The following TLR9 variants were observed in gnomAD, a reference collection of about 807,000 sequenced individuals.
TLR9 encodes the protein toll-like receptor 9.
In TLR9, 19 loss-of-function variants were observed where a neutral mutation model predicts 24.6. The observed-to-expected ratio is 0.77, with a 90% CI of 0.54 to 1.13. The LOEUF (loss-of-function observed/expected upper bound fraction) is 1.13, where lower values mean the gene tolerates loss of function less well. Ranked by LOEUF, TLR9 falls within the 50% of genes most tolerant of loss-of-function variation. The pLI is 0.00. For synonymous variants in TLR9, 579 were observed against 609.8 expected (o/e 0.95, Z 0.74); for missense variants, 1,065 against 1,379.6 (o/e 0.77, Z 3.61).
In TLR9 at chr3:52,223,528, T is replaced by C. The variant is rs200870101; in HGVS notation, c.788A>G (p.Asn263Ser). The C allele has an allele frequency of 5.8e-6, 9 of 1,540,518 alleles. No homozygotes were observed. Among genetic ancestry groups the C allele is most frequent in the African/African-American group, 1.4e-5 (1 of 72,756 alleles). Residue 263 changes from asparagine to serine, a missense_variant, in exon 2 of 2, where the codon AAC becomes AGC. Asn to Ser is a conservative substitution (Grantham distance 46). Transcript: ENST00000360658. ...GTGACGAGGGCACTCCATGCAGGGG[T>C]TGGGAGCGTGGTCGCAGCGGCGGCA... ...GNCRRCDHAPNPCMECPRHFP... is the reference protein window; with the variant it reads ...GNCRRCDHAPSPCMECPRHFP...
intron 1 of TLR9, among the ~76,000 whole-genome samples, chr3:52,225,054 G>T (rs1699607570): frequency 6.6e-6 from 1 of 152,206 alleles, no homozygotes; most frequent in Non-Finnish European, 1.5e-5. Flanking sequence ...CTCAGAAGAG[G>T]GCTTCAGTGG....
Position 52,223,227 on chromosome 3 carries a change from CAGGCTCCCGAAG to C in TLR9, c.1077_1088del (p.Phe360_Leu363del). ...GCATGTCCAGCTCCTTCAGGGCGAC[CAGGCTCCCGAAG>C]GAAGGGGCCAGAGACAGGTGGGCAA... On this transcript the variant is annotated inframe_deletion, in exon 2 of 2. Coordinates refer to ENST00000360658, the MANE Select transcript of TLR9 (RefSeq NM_017442.4). The C allele has an allele frequency of 6.2e-7, 1 of 1,613,996 alleles. No individual in the cohort carries two copies. Among genetic ancestry groups the C allele is most frequent in the Non-Finnish European group, 8.5e-7 (1 of 1,179,914 alleles).
In TLR9 at chr3:52,225,367, A is replaced by G. The variant is rs72959315; in HGVS notation, c.3+160T>C. On this transcript the variant is annotated intron_variant, in intron 1 of 1. Coordinates refer to ENST00000360658, the MANE Select transcript of TLR9 (RefSeq NM_017442.4). ...TCAAAAAAAAAAAAAAAGAAAAAAG[A>G]AGAGGGCTTCGGCTCTGAAGTCTTC... Among the ~76,000 whole-genome samples the G allele has an allele frequency of 2.7e-3, 417 of 151,672 alleles. 2 individuals are homozygous for G. Among genetic ancestry groups the G allele is most frequent in the African/African-American group, 9.9e-3 (410 of 41,374 alleles).
intron 1 of TLR9, 77 bp downstream of exon 1, chr3:52,225,450 A>C: frequency 6.3e-7 from 1 of 1,591,452 alleles, no homozygotes; most frequent in East Asian, 2.3e-5. Context: ...TGTTGCTTGC[A>C]GCTGCCAAGC....
rs1406562551 is a variant in TLR9, at chr3:52,222,281, G to A, written c.2035C>T (p.Leu679=). ...KWWSLHFLPK[L]EVLDLAGNQL... ...TTTCCTGCCAGGTCGAGGACTTCCA[G>A]TTTGGGCAGGAAGTGGAGGCTCCAC... Residue 679 remains leucine (L), a synonymous_variant, in exon 2 of 2, where the codon CTG becomes TTG. Transcript: ENST00000360658. 1 of 1,614,210 alleles carries A rather than the reference G, an allele frequency of 6.2e-7. No individual in the cohort carries two copies. The highest frequency in any genetic ancestry group is 1.1e-5 in the South Asian group (1 of 91,090).
Position 52,221,997 on chromosome 3 carries a change from G to T in TLR9, c.2319C>A (p.Phe773Leu). ...GCACGGCAGCCTGCACCTCCAGCAG[G>T]AAGTCCATAAAGGCCGCCCCACAGG... Reference protein sequence around the residue: ...HCACGAAFMDFLLEVQAAVPG... With the variant: ...HCACGAAFMDLLLEVQAAVPG... The change falls in exon 2 of 2, where the codon TTC becomes TTA. Residue 773 changes from phenylalanine (F) to leucine (L), a missense_variant. Phe to Leu is a conservative substitution (Grantham distance 22, BLOSUM62 0). Transcript: ENST00000360658. The surrounding 1 kb of genome is among the most constrained non-coding windows in gnomAD (Gnocchi z 9.9). 1 of 1,608,634 alleles carries T rather than the reference G, an allele frequency of 6.2e-7. No individual in the cohort carries two copies. The highest frequency in any genetic ancestry group is 8.5e-7 in the Non-Finnish European group (1 of 1,177,146).
intron 1 of TLR9, 36 bp downstream of exon 1, chr3:52,225,491 T>C (rs749141407): frequency 6.2e-7 from 1 of 1,600,306 alleles, no homozygotes; most frequent in Non-Finnish European, 8.5e-7. Flanking sequence ...TCCCAGGATA[T>C]CCCCTTCCCC....
rs1231099314 is a variant in TLR9 at position 52,221,819 on chromosome 3, G to T, written c.2497C>A (p.Pro833Thr). Residue 833 changes from proline (P) to threonine (T), a missense_variant, in exon 2 of 2, where the codon CCC (proline) becomes ACC (threonine). Coordinates refer to ENST00000360658, the MANE Select transcript of TLR9 (RefSeq NM_017442.4). This position sits in a 1 kb window ranked among gnomAD's most constrained non-coding sequence, Gnocchi z 9.9. ...LLAVALGLGV[P>T]MLHHLCGWDL... is the part of the protein sequence containing the mutation. ...CAGCCACAGAGGTGATGCAGCATGGGCACACCCAGGCCCAGAGCCACAGCC... is the reference window on the plus strand; with the variant it reads ...CAGCCACAGAGGTGATGCAGCATGGTCACACCCAGGCCCAGAGCCACAGCC... 2 of 1,613,844 alleles carry T rather than the reference G, an allele frequency of 1.2e-6. No individual in the cohort carries two copies. Among genetic ancestry groups the T allele is most frequent in the Non-Finnish European group, 1.7e-6 (2 of 1,180,026 alleles).
rs1699589018 is a variant in TLR9 at position 52,223,627 on chromosome 3, T to C, written c.689A>G (p.Asn230Ser). 3.8e-6 allele frequency: 6 copies of C among 1,565,966 alleles called. No individual in the cohort carries two copies. Among genetic ancestry groups the C allele is most frequent in the African/African-American group, 1.4e-5 (1 of 73,400 alleles). ...CTCAGGCGCCAGTTTGACGATGCGG[T>C]TGTAGGACAACAGCAGATACTCCAG... is the stretch of plus-strand genomic sequence containing the variant. ...SSLEYLLLSY[N>S]RIVKLAPEDL... Residue 230 changes from asparagine to serine, a missense_variant, in exon 2 of 2, where the codon AAC (asparagine) becomes AGC (serine). By Grantham distance (46) the Asn-to-Ser change is conservative. Transcript: ENST00000360658.
chr3:52,221,146 G>A lies in TLR9; in HGVS notation c.*71C>T. 1 of 1,406,708 alleles carries A rather than the reference G, an allele frequency of 7.1e-7. No homozygotes were observed. The highest frequency in any genetic ancestry group is 9.6e-7 in the Non-Finnish European group (1 of 1,044,762). 87.1% of individuals were successfully genotyped at this position (1,406,708 alleles called of 1,614,324 possible). ...GTGTGGGGTGAGGGAGGCGAGCAGG[G>A]GAGGGTCAGACCAGGCAGGCAGAGG... On this transcript the variant is annotated 3_prime_UTR_variant, in exon 2 of 2. Transcript: ENST00000360658. The surrounding 1 kb of genome is among the most constrained non-coding windows in gnomAD (Gnocchi z 9.9).
rs754221634 is a variant in TLR9, at chr3:52,224,328, G to A, written c.4-16C>T. 3 of 1,554,720 alleles carry A rather than the reference G, an allele frequency of 1.9e-6. No homozygotes were observed. Among genetic ancestry groups the A allele is most frequent in the Admixed American group, 3.9e-5 (2 of 51,166 alleles). On this transcript the variant is annotated splice_polypyrimidine_tract_variant and intron_variant, in intron 1 of 1. Coordinates refer to ENST00000360658, the MANE Select transcript of TLR9 (RefSeq NM_017442.4). ...GGCAGAAACCCTGTGGGGGTGGGAG[G>A]GCTGTGTGAGTGGCCGGCCCCCAGC...
In TLR9 at chr3:52,222,737, C is replaced by G; in HGVS notation, c.1579G>C (p.Asp527His). Residue 527 changes from aspartate (D) to histidine (H), a missense_variant, in exon 2 of 2, where the codon GAC (aspartate) becomes CAC (histidine). By Grantham distance (81) the Asp-to-His change is moderately conservative. Transcript: ENST00000360658. Reference sequence around the variant, plus strand: ...AGGTCCAGCTTATTGTGGGACAGGTCTAGCACCTGCAGACCGGTCAGCGGC... The same window carrying G: ...AGGTCCAGCTTATTGTGGGACAGGTGTAGCACCTGCAGACCGGTCAGCGGC... ...FLPLTGLQVL[D>H]LSHNKLDLYH... 8 of 1,614,030 alleles carry G rather than the reference C, an allele frequency of 5.0e-6. No individual in the cohort carries two copies. Among genetic ancestry groups the G allele is most frequent in the Non-Finnish European group, 6.8e-6 (8 of 1,180,048 alleles).
rs777140542 is a variant in TLR9, at chr3:52,222,829, G to A, written c.1487C>T (p.Ser496Leu). 1.9e-6 allele frequency: 3 copies of A among 1,613,644 alleles called. No homozygotes were observed. The highest frequency in any genetic ancestry group is 1.7e-5 in the Admixed American group (1 of 59,992). The change falls in exon 2 of 2, where the codon TCG becomes TTG. Residue 496 changes from serine (S) to leucine (L), a missense_variant. Ser to Leu is a moderately radical substitution (Grantham distance 145). Transcript: ENST00000360658. ...TVQPEMFAQL[S>L]HLQCLRLSHN... The stretch of plus-strand genomic sequence containing the variant: ...GCTCAGGCGCAGGCACTGCAGGTGC[G>A]AGAGCTGGGCAAACATCTCCGGCTG...
At position 52,223,206 on chromosome 3, in the gene TLR9, G is replaced by A. The variant is rs745450914; in HGVS notation, c.1110C>T (p.Asp370=). 104 of 1,613,754 alleles carry A rather than the reference G, an allele frequency of 6.4e-5. No individual in the cohort carries two copies. In the Admixed American group the frequency reaches 1.7e-3, roughly 26 times the overall value. Residue 370 remains aspartate, a synonymous_variant, in exon 2 of 2, where the codon GAC becomes GAT. Transcript: ENST00000360658. The part of the protein sequence containing the change: ...FGSLVALKEL[D]MHGIFFRSLD... ...GTGAGCGGAAGAAGATGCCGTGCAT[G>A]TCCAGCTCCTTCAGGGCGACCAGGC...
chr3:52,224,377 A>C, intron 1 of TLR9, 65 bp from the exon 2 acceptor site: 1 of 1,288,078 alleles, frequency 7.8e-7, no homozygotes, highest in Non-Finnish European at 1.1e-6. Flanking sequence ...ACTCCACTTC[A>C]TGGGCATCTT....
chr3:52,223,004 C>A lies in TLR9; in HGVS notation c.1312G>T (p.Gly438Trp). The A allele has an allele frequency of 6.3e-7, 1 of 1,589,684 alleles. No homozygotes were observed. Among genetic ancestry groups the A allele is most frequent in the Non-Finnish European group, 8.6e-7 (1 of 1,166,094 alleles). ...ACCTTCTCCCCTCCATCTGCCTCCC[C>A]CATGGTGGCTGTCAGCTCCGAAGCT... ...SGASELTATM[G>W]EADGGEKVWL... The change falls in exon 2 of 2, where the codon GGG becomes TGG. Residue 438 changes from glycine to tryptophan, a missense_variant. Physicochemically the swap from Gly to Trp is radical, Grantham distance 184. Transcript: ENST00000360658.
Position 52,221,763 on chromosome 3 carries a change from C to G in TLR9, c.2553G>C (p.Leu851=). 6.2e-7 allele frequency: 1 copy of G among 1,613,956 alleles called. No homozygotes were observed. Among genetic ancestry groups the G allele is most frequent in the Non-Finnish European group, 8.5e-7 (1 of 1,180,026 alleles). Residue 851 remains leucine (L), a synonymous_variant, in exon 2 of 2, where the codon CTG becomes CTC. Transcript: ENST00000360658. The surrounding 1 kb of genome is among the most constrained non-coding windows in gnomAD (Gnocchi z 9.9). Reference sequence around the variant, plus strand: ...GCCGCCCCCGCCAGGGAAGCCAGGCCAGGCACAGGTGGAAGCAGTACCAGA... The same window carrying G: ...GCCGCCCCCGCCAGGGAAGCCAGGCGAGGCACAGGTGGAAGCAGTACCAGA... The part of the protein sequence containing the change: ...WDLWYCFHLC[L]AWLPWRGRQS...
rs763686449 is a variant in TLR9, at chr3:52,223,825, G to T, written c.491C>A (p.Ala164Asp). ...TAGGAAGCGCAGGGCATGCAGGCCGGCGAGGCTGGCAGAGTCTAGCATCAG... is the reference window on the plus strand; with the variant it reads ...TAGGAAGCGCAGGGCATGCAGGCCGTCGAGGCTGGCAGAGTCTAGCATCAG... ...NILMLDSASL[A>D]GLHALRFLFM... The change falls in exon 2 of 2, where the codon GCC becomes GAC. Residue 164 changes from alanine to aspartate, a missense_variant. Transcript: ENST00000360658. The T allele has an allele frequency of 6.2e-7, 1 of 1,609,080 alleles. No homozygotes were observed. Among genetic ancestry groups the T allele is most frequent in the Admixed American group, 1.7e-5 (1 of 59,252 alleles).
rs200668101 is a variant in TLR9, at chr3:52,222,235, T to C, written c.2081A>G (p.Asn694Ser). The change falls in exon 2 of 2, where the codon AAT (asparagine) becomes AGT (serine). Residue 694 changes from asparagine to serine, a missense_variant. By Grantham distance (46) the Asn-to-Ser change is conservative. Coordinates refer to ENST00000360658, the MANE Select transcript of TLR9 (RefSeq NM_017442.4). ...CCGGGTGCCAGCAGGCAGGCTGCCA[T>C]TGGTCAGGGCCTTCAGCTGGTTTCC... Reference protein sequence around the residue: ...LAGNQLKALTNGSLPAGTRLR... With the variant: ...LAGNQLKALTSGSLPAGTRLR... 1.2e-5 allele frequency: 19 copies of C among 1,614,076 alleles called. No individual in the cohort carries two copies. Among genetic ancestry groups the C allele is most frequent in the Non-Finnish European group, 1.6e-5 (19 of 1,180,006 alleles).
Sources: gnomAD v4.1 joint callset for allele counts (sites outside exome capture counted in the v4.1 genomes callset) on GRCh38, gnomAD v4.1.1 for gene constraint, Gnocchi (gnomAD v3.1) non-coding constraint, MANE v1.5 for transcripts, NCBI Gene and HGNC (gene_info 2026-07-23, HGNC 2026-07-21) for gene names.